Variants in RPH3A observed in about 807,000 individuals in gnomAD.
RPH3A encodes the protein rabphilin-3A.
A neutral mutation model predicts 102.2 loss-of-function variants in RPH3A; 48 were observed. That is an observed-to-expected ratio of 0.47 (90% CI 0.37 to 0.60). RPH3A has a LOEUF of 0.60. Ranked by LOEUF, RPH3A falls within the 20% of genes least tolerant of loss-of-function variation. The pLI is 0.00. For synonymous variants in RPH3A, 310 were observed against 324.3 expected, an observed-to-expected ratio of 0.96 and a Z score of 0.47; for missense variants, 781 against 910.1, an observed-to-expected ratio of 0.86 and a Z score of 1.83.
intron 1 of RPH3A, among the ~76,000 whole-genome samples, chr12:112,668,600 G>A (rs2040103819): frequency 6.6e-6 from 1 of 152,144 alleles, no homozygotes; most frequent in African/African-American, 2.4e-5. Context: ...ATAAGAGGGA[G>A]TTGAACAATG....
intron 1 of RPH3A, among the ~76,000 whole-genome samples, chr12:112,734,100 A>T (rs1297500268): frequency 2.0e-5 from 3 of 152,204 alleles, no homozygotes; most frequent in Non-Finnish European, 4.4e-5. Context: ...TACAGTCATG[A>T]GCTGCATAAT....
At position 112,865,449 on chromosome 12, in the gene RPH3A, A is replaced by G; in HGVS notation, c.266A>G (p.Asn89Ser). The change falls in exon 6 of 22, where the codon AAC becomes AGC. Residue 89 changes from asparagine (N) to serine (S), a missense_variant. By Grantham distance (46) the Asn-to-Ser change is conservative. Coordinates refer to ENST00000389385, the MANE Select transcript of RPH3A (RefSeq NM_001143854.2). ...LVDRLENMRK[N>S]VAGDGVNRCI... is the part of the protein sequence containing the mutation. ...GACCGCCTAGAAAACATGAGGAAGA[A>G]CGTGGCTGGAGATGGGGTGAACCGC... is the stretch of plus-strand genomic sequence containing the variant. The G allele has an allele frequency of 6.2e-7, 1 of 1,614,040 alleles. No homozygotes were observed. The highest frequency in any genetic ancestry group is 1.1e-5 in the South Asian group (1 of 91,076).
intron 14 of RPH3A, 46 bp downstream of exon 14, chr12:112,879,244 A>G: frequency 5.8e-6 from 9 of 1,538,586 alleles, no homozygotes; most frequent in Non-Finnish European, 7.2e-6. Context: ...ATGCTCTGGC[A>G]TGGCTAGGAG....
rs547527547 is a variant in RPH3A at position 112,898,762 on chromosome 12, C to T, written c.*1982C>T. On this transcript the variant is annotated 3_prime_UTR_variant, in exon 22 of 22. Coordinates refer to ENST00000389385, the MANE Select transcript of RPH3A (RefSeq NM_001143854.2). ...CCCTAGTCTGGGTGCCCGCTGTCCC[C>T]GACAAATGTAACCACCTCCCTGCCT... is the stretch of plus-strand genomic sequence containing the variant. The T allele has an allele frequency of 7.9e-5, 12 of 152,450 alleles. No homozygotes were observed. The highest frequency in any genetic ancestry group is 2.2e-4 in the African/African-American group (9 of 41,566). 9.4% of individuals were successfully genotyped at this position (152,450 alleles called of 1,614,324 possible). A position where few individuals can be genotyped will look rare whatever the true frequency, so the allele number is the denominator to read the frequency against.
chr12:112,801,046 G>A (rs997058035), intron 2 of RPH3A, among the ~76,000 whole-genome samples: 33 of 152,058 alleles, frequency 2.2e-4, no homozygotes, highest in Admixed American at 1.8e-3. Context: ...GCAGGATATC[G>A]TAACTTGGCA....
chr12:112,743,613 A>G (rs1253815786), intron 1 of RPH3A, among the ~76,000 whole-genome samples: 2 of 152,160 alleles, frequency 1.3e-5, no homozygotes, highest in Non-Finnish European at 2.9e-5. Flanking sequence ...GTGGCTCATC[A>G]GTCTTCTTAC....
At chr12:112,820,554 G>A (rs112388643) in intron 2 of RPH3A, among the ~76,000 whole-genome samples, 6 of 152,328 alleles carry the variant, frequency 3.9e-5, no homozygotes, top group African/African-American at 1.2e-4. Context: ...CTTAATGGGT[G>A]TTTGGGAGAG....
At chr12:112,762,668 G>A (rs1187308118) in intron 1 of RPH3A, among the ~76,000 whole-genome samples, 8 of 152,120 alleles carry the variant, frequency 5.3e-5, no homozygotes, top group Admixed American at 5.2e-4. Context: ...ATACCATCAG[G>A]ACTTTTTGTT....
chr12:112,817,251 T>G (rs1267580376), intron 2 of RPH3A, among the ~76,000 whole-genome samples: 1 of 152,182 alleles, frequency 6.6e-6, no homozygotes, highest in Non-Finnish European at 1.5e-5. Flanking sequence ...TTTTTAGCCC[T>G]GTTTCCCCTT....
intron 17 of RPH3A, among the ~76,000 whole-genome samples, chr12:112,888,985 A>T (rs1593132435): frequency 6.6e-6 from 1 of 152,004 alleles, no homozygotes; most frequent in Admixed American, 6.6e-5. Context: ...CAACACCAGC[A>T]CCCCTGGTCT....
chr12:112,866,758 A>C lies in RPH3A; in HGVS notation c.362A>C (p.Asn121Thr). ...ACVVCEDCKK[N>T]VCTKCGVETN... ...GTGTTGGCTGTGTTTCATCCACAGAACGTCTGCACCAAGTGCGGAGTGGAG... is the reference window on the plus strand; with the variant it reads ...GTGTTGGCTGTGTTTCATCCACAGACCGTCTGCACCAAGTGCGGAGTGGAG... Residue 121 changes from asparagine to threonine, a missense_variant and splice_region_variant, in exon 7 of 22, where the codon AAC becomes ACC. Asn to Thr is a moderately conservative substitution (Grantham distance 65). Coordinates refer to ENST00000389385, the MANE Select transcript of RPH3A (RefSeq NM_001143854.2). The C allele has an allele frequency of 6.2e-7, 1 of 1,608,692 alleles. No individual in the cohort carries two copies. The highest frequency in any genetic ancestry group is 8.5e-7 in the Non-Finnish European group (1 of 1,176,596).
chr12:112,864,415 C>T (rs1003076996), intron 5 of RPH3A, among the ~76,000 whole-genome samples: 4 of 144,616 alleles, frequency 2.8e-5, no homozygotes, highest in African/African-American at 1.0e-4. Flanking sequence ...CGCGCCACTG[C>T]ACTCCAGCCT....
intron 1 of RPH3A, among the ~76,000 whole-genome samples, chr12:112,756,410 C>G (rs753651826): frequency 6.6e-6 from 1 of 152,162 alleles, no homozygotes; most frequent in Non-Finnish European, 1.5e-5. Context: ...CAGGGTTTCA[C>G]TTTGTTGGTC....
At chr12:112,770,537 T>A (rs1371647039) in intron 1 of RPH3A, among the ~76,000 whole-genome samples, 2 of 151,960 alleles carry the variant, frequency 1.3e-5, no homozygotes, top group Non-Finnish European at 2.9e-5. Flanking sequence ...AGAAATGAGG[T>A]TTTGCCTTGT....
At chr12:112,744,679 T>C (rs2040731951) in intron 1 of RPH3A, among the ~76,000 whole-genome samples, 1 of 152,082 alleles carries the variant, frequency 6.6e-6, no homozygotes, top group Non-Finnish European at 1.5e-5. Context: ...TTAGCCCCAT[T>C]CTACAGATGA....
At chr12:112,803,884 T>A (rs2041403952) in intron 2 of RPH3A, among the ~76,000 whole-genome samples, 3 of 152,176 alleles carry the variant, frequency 2.0e-5, no homozygotes, top group African/African-American at 7.2e-5. Flanking sequence ...TTACTTGGCC[T>A]CTCTGGCCTC....
At chr12:112,710,749 C>T (rs913040004) in intron 1 of RPH3A, among the ~76,000 whole-genome samples, 1 of 152,156 alleles carries the variant, frequency 6.6e-6, no homozygotes, top group Non-Finnish European at 1.5e-5. Context: ...TATGTTTCCA[C>T]AGTGGGCTGC....
chr12:112,716,787 A>G (rs775049104), intron 1 of RPH3A, among the ~76,000 whole-genome samples: 12 of 152,216 alleles, frequency 7.9e-5, no homozygotes, highest in Non-Finnish European at 1.5e-4. Flanking sequence ...GTCTTTTCCC[A>G]TAACAGTTCA....
rs142367244 is a variant in RPH3A, at chr12:112,587,731, CTT to C, written c.-140+12414_-140+12415del. ...GAGGTCATCTATGTGAGAGTAGAGA[CTT>C]TGTCTTGGTCATTGCTGAACCTGTA... is the stretch of plus-strand genomic sequence containing the variant. On this transcript the variant is annotated intron_variant, in intron 1 of 21. Transcript: ENST00000543106. Among the ~76,000 whole-genome samples, 1,153 of 152,216 alleles carry C rather than the reference CTT, an allele frequency of 7.6e-3. 9 individuals carry two copies. The highest frequency in any genetic ancestry group is 0.026 in the African/African-American group (1,077 of 41,534).
Sources: allele counts gnomAD v4.1 joint callset (sites outside exome capture counted in the v4.1 genomes callset), GRCh38; gene constraint gnomAD v4.1.1; transcripts MANE v1.5; gene names NCBI Gene and HGNC (gene_info 2026-07-23, HGNC 2026-07-21).